SLC8A1: variants seen among roughly 807,000 people sequenced by gnomAD.
SLC8A1 encodes sodium/calcium exchanger 1.
A neutral mutation model predicts 68.3 loss-of-function variants in SLC8A1; 18 were observed. The ratio of observed to expected loss-of-function variants is 0.26; its 90% confidence interval spans 0.18 to 0.39. SLC8A1 has a LOEUF of 0.39. Among genes scored for constraint, SLC8A1 ranks in the 10% least tolerant of loss-of-function variants. The pLI is 1.00. For synonymous variants in SLC8A1, 475 were observed against 415.5 expected (o/e 1.14, Z -1.74); for missense variants, 985 against 1,156.7 (o/e 0.85, Z 2.15).
chr2:40,255,158 G>C (rs900263421), intron 2 of SLC8A1: 2 of 152,012 alleles, frequency 1.3e-5, no homozygotes, highest in African/African-American at 4.8e-5. Flanking sequence ...AAATGTGAGA[G>C]CATGTTAACA....
intron 2 of SLC8A1, among the ~76,000 whole-genome samples, chr2:40,341,933 C>T (rs1209987072): frequency 2.6e-5 from 4 of 152,088 alleles, no homozygotes; most frequent in Non-Finnish European, 5.9e-5. Context: ...GAGTGTGGAT[C>T]CTGCTTAGGA....
At chr2:40,509,830 C>T (rs902013580) in intron 1 of SLC8A1, among the ~76,000 whole-genome samples, 7 of 150,446 alleles carry the variant, frequency 4.7e-5, no homozygotes, top group Admixed American at 2.7e-4. Context: ...GTTTTTTTTC[C>T]GGTGCAGTCT....
intron 2 of SLC8A1, among the ~76,000 whole-genome samples, chr2:40,245,622 C>A (rs770373131): frequency 3.9e-5 from 6 of 152,008 alleles, no homozygotes; most frequent in Non-Finnish European, 8.8e-5. Flanking sequence ...CAAAATCAGG[C>A]CAAACCAGAC....
intron 2 of SLC8A1, among the ~76,000 whole-genome samples, chr2:40,408,816 T>G (rs754216935): frequency 6.4e-4 from 97 of 152,304 alleles, no homozygotes; most frequent in Non-Finnish European, 3.5e-4. Flanking sequence ...ACTAATTCTG[T>G]TATGCTGAAA....
At chr2:40,316,648 T>G (rs2074487800) in intron 2 of SLC8A1, among the ~76,000 whole-genome samples, 2 of 152,032 alleles carry the variant, frequency 1.3e-5, no homozygotes, top group Admixed American at 1.3e-4. Flanking sequence ...TGCCTGATAG[T>G]ATTTTCATAC....
At chr2:40,450,841 C>G (rs1004626812) in intron 1 of SLC8A1, among the ~76,000 whole-genome samples, 1 of 152,216 alleles carries the variant, frequency 6.6e-6, no homozygotes, top group Non-Finnish European at 1.5e-5. Context: ...GCACATTGCT[C>G]TCTTCTAAAA....
intron 2 of SLC8A1, among the ~76,000 whole-genome samples, chr2:40,377,817 T>C (rs1163818863): frequency 6.6e-6 from 1 of 152,126 alleles, no homozygotes; most frequent in Non-Finnish European, 1.5e-5. Flanking sequence ...AGTAGAGCCC[T>C]ACAAAGTTTC....
At chr2:40,462,577 G>C (rs1703413331) in intron 1 of SLC8A1, among the ~76,000 whole-genome samples, 1 of 151,570 alleles carries the variant, frequency 6.6e-6, no homozygotes, top group Admixed American at 6.6e-5. Context: ...GGGAAGCCTG[G>C]GTGGGAGGAT....
chr2:40,395,399 T>A (rs1456840697), intron 2 of SLC8A1, among the ~76,000 whole-genome samples: 1 of 152,144 alleles, frequency 6.6e-6, no homozygotes, highest in Non-Finnish European at 1.5e-5. Flanking sequence ...GCCCCTCTTA[T>A]GACAATGGTC....
In SLC8A1 at chr2:40,164,815, G is replaced by C. The variant is rs1206861664; in HGVS notation, c.2061+39C>G. On this transcript the variant is annotated intron_variant, in intron 5 of 7. Coordinates refer to ENST00000406785, the Ensembl canonical transcript of SLC8A1. ...CCCTATGAACAGTTTCTGTCCCAAG[G>C]TGAGACTGGCTCCTGGTGGGCAGTG... 5 of 1,610,754 alleles carry C rather than the reference G, an allele frequency of 3.1e-6. No individual in the cohort carries two copies. In the South Asian group the frequency reaches 4.4e-5, roughly 14 times the overall value.
intron 2 of SLC8A1, among the ~76,000 whole-genome samples, chr2:40,200,251 T>TAAATATATATATATAA (rs1317335960): frequency 1.5e-5 from 1 of 68,510 alleles, no homozygotes; most frequent in Non-Finnish European, 2.8e-5. Context: ...TATATATATA[T>TAAATATATATATATAA]ATATATATAT....
At chr2:40,266,970 CA>C (rs1385147932) in intron 2 of SLC8A1, among the ~76,000 whole-genome samples, 1 of 152,202 alleles carries the variant, frequency 6.6e-6, no homozygotes, top group East Asian at 1.9e-4. Context: ...ACTGGATGTA[CA>C]GGTAAATGAG....
chr2:40,315,643 T>C (rs755244202), intron 2 of SLC8A1, among the ~76,000 whole-genome samples: 1 of 151,960 alleles, frequency 6.6e-6, no homozygotes, highest in Non-Finnish European at 1.5e-5. Context: ...TAAATAAAAA[T>C]GGATCACATG....
At chr2:40,122,208 A>G (rs1544646) in intron 7 of SLC8A1, among the ~76,000 whole-genome samples, 122,703 of 144,748 alleles carry the variant, frequency 0.85, 50,936 homozygotes, top group Non-Finnish European at 0.88. Context: ...GCGCGCGCGC[A>G]CACACACACA....
intron 2 of SLC8A1, among the ~76,000 whole-genome samples, chr2:40,421,945 T>C (rs111622310): frequency 0.011 from 1,713 of 152,242 alleles, 26 homozygotes; most frequent in African/African-American, 0.039. Context: ...ATGCTTCCCA[T>C]ATTGTTAATT....
chr2:40,465,170 T>C (rs1187490271), intron 1 of SLC8A1, among the ~76,000 whole-genome samples: 1 of 152,200 alleles, frequency 6.6e-6, no homozygotes, highest in African/African-American at 2.4e-5. Flanking sequence ...ACGAAAGTTG[T>C]TATGGATATT....
chr2:40,161,691 A>C (rs972533500), intron 5 of SLC8A1, among the ~76,000 whole-genome samples: 2 of 152,230 alleles, frequency 1.3e-5, no homozygotes, highest in African/African-American at 4.8e-5. Flanking sequence ...AGATGGACTG[A>C]AAGCACTACT....
intron 2 of SLC8A1, among the ~76,000 whole-genome samples, chr2:40,391,587 G>C (rs917472402): frequency 6.6e-6 from 1 of 152,052 alleles, no homozygotes; most frequent in Admixed American, 6.6e-5. Context: ...AGAGCATTAT[G>C]ACTTTCATGC....
chr2:40,472,308 A>C (rs1704033498), intron 1 of SLC8A1, among the ~76,000 whole-genome samples: 1 of 152,208 alleles, frequency 6.6e-6, no homozygotes. Flanking sequence ...CCCTTTTATA[A>C]GATGGAAATG....
Sources: allele counts gnomAD v4.1 joint callset (sites outside exome capture counted in the v4.1 genomes callset), GRCh38; gene constraint gnomAD v4.1.1; transcripts MANE v1.5; gene names NCBI Gene and HGNC (gene_info 2026-07-23, HGNC 2026-07-21).